Variants in MDN1 observed in about 807,000 individuals in gnomAD.
MDN1 encodes the protein midasin.
MDN1 carries 266 observed loss-of-function variants against 669.2 expected under a neutral mutation model. The observed-to-expected ratio is 0.40, with a 90% CI of 0.36 to 0.44. MDN1 has a LOEUF of 0.44. Among genes scored for constraint, MDN1 ranks in the 20% least tolerant of loss-of-function variants. The pLI is 1.00. For missense variants in MDN1, 5,940 were observed against 6,754.0 expected, an observed-to-expected ratio of 0.88 and a Z score of 4.22; for synonymous variants, 2,385 against 2,457.1, an observed-to-expected ratio of 0.97 and a Z score of 0.87.
intron 34 of MDN1, 140 bp downstream of exon 34, chr6:89,732,417 A>G: frequency 2.8e-6 from 2 of 721,892 alleles, no homozygotes; most frequent in Non-Finnish European, 4.6e-6. Context: ...GAGTACAAAC[A>G]AAAGGAAAGC....
chr6:89,788,578 G>A (rs188515237), intron 7 of MDN1, among the ~76,000 whole-genome samples: 231 of 152,290 alleles, frequency 1.5e-3, no homozygotes, highest in African/African-American at 5.3e-3. Flanking sequence ...AGGCTTAGAG[G>A]TAAGTAATAA....
chr6:89,730,890 A>C lies in MDN1; in HGVS notation c.4976T>G (p.Leu1659Trp), dbSNP rs764888257. The change falls in exon 35 of 102, where the codon TTG (leucine) becomes TGG (tryptophan). Residue 1659 changes from leucine to tryptophan, a missense_variant. Leu to Trp is a moderately conservative substitution (Grantham distance 61). Coordinates refer to ENST00000369393, the MANE Select transcript of MDN1 (RefSeq NM_014611.3). The stretch of plus-strand genomic sequence containing the variant: ...AAATTTCAGACATTCTTTTCGTGCC[A>C]AAAGGGCTGTACCAAACCCAGAGGA... ...VTSSGFGTAL[L>W]ARKECLKFLI... 9.3e-6 allele frequency: 15 copies of C among 1,613,906 alleles called. No individual in the cohort carries two copies. Among genetic ancestry groups the C allele is most frequent in the Non-Finnish European group, 1.3e-5 (15 of 1,179,948 alleles).
At position 89,654,242 on chromosome 6, in the gene MDN1, CCT is replaced by C; in HGVS notation, c.15581_15582del (p.Glu5194GlyfsTer29). 1 of 1,614,238 alleles carries C rather than the reference CCT, an allele frequency of 6.2e-7. No individual in the cohort carries two copies. The highest frequency in any genetic ancestry group is 8.5e-7 in the Non-Finnish European group (1 of 1,180,048). The stretch of plus-strand genomic sequence containing the variant: ...TCTGCTGCTTTGAACTCCTCCTGCT[CCT>C]CTGTGTCCATAAGGGTGTCCTCTAT... ...EEIEDTLMDT[E>X]EQEEFKAADV... is the part of the protein sequence containing the mutation. On this transcript the variant is annotated frameshift_variant, in exon 93 of 102. Transcript: ENST00000369393. LOFTEE classifies it high-confidence loss of function.
At position 89,680,691 on chromosome 6, in the gene MDN1, G is replaced by A. The variant is rs373502418; in HGVS notation, c.12163C>T (p.Arg4055Cys). ...APSGLEGELL[R>C]RLPKLRKRMR... ...CGTTTCCTGAGCTTTGGCAAGCGAC[G>A]CAGAAGCTCCCCTTCCAAGCCGGAA... The change falls in exon 74 of 102, where the codon CGT (arginine) becomes TGT (cysteine). Residue 4055 changes from arginine (R) to cysteine (C), a missense_variant. By Grantham distance (180) the Arg-to-Cys change is radical (BLOSUM62 -3). Transcript: ENST00000369393. 33 of 1,613,956 alleles carry A rather than the reference G, an allele frequency of 2.0e-5. No homozygotes were observed. Among genetic ancestry groups the A allele is most frequent in the East Asian group, 4.5e-5 (2 of 44,888 alleles).
At chr6:89,726,325 T>C (rs1815230638) in intron 37 of MDN1, among the ~76,000 whole-genome samples, 1 of 151,564 alleles carries the variant, frequency 6.6e-6, no homozygotes, top group South Asian at 2.1e-4. Flanking sequence ...GACATTGTGG[T>C]GCATGACTGT....
chr6:89,733,874 A>C (rs998032256), intron 33 of MDN1, among the ~76,000 whole-genome samples: 1 of 152,082 alleles, frequency 6.6e-6, no homozygotes, highest in African/African-American at 2.4e-5. Context: ...ATAGGTTCAC[A>C]TATGTATTTT....
At chr6:89,751,617 G>C (rs774559583) in intron 22 of MDN1, 35 bp from the exon 23 acceptor site, 5 of 1,595,676 alleles carry the variant, frequency 3.1e-6, no homozygotes, top group Non-Finnish European at 4.3e-6. Context: ...ATAACCCACA[G>C]TTGTACATTC....
chr6:89,665,273 T>C (rs1415006224), intron 84 of MDN1, among the ~76,000 whole-genome samples: 2 of 152,146 alleles, frequency 1.3e-5, no homozygotes, highest in Non-Finnish European at 2.9e-5. Flanking sequence ...GCAATTCTCC[T>C]GCCTCGGCCT....
intron 53 of MDN1, among the ~76,000 whole-genome samples, chr6:89,702,921 A>AGGTAGG (rs942048357): frequency 1.4e-5 from 2 of 146,084 alleles, no homozygotes; most frequent in Admixed American, 1.4e-4. Flanking sequence ...ATATAATGTG[A>AGGTAGG]GGTAGGGGTA....
Position 89,696,490 on chromosome 6 carries a change from C to G in MDN1, c.9253G>C (p.Val3085Leu), listed in dbSNP as rs1240964834. ...TSSWRASPWD[V>L]SGLPILSSSH... ...GAGGAAAGAATGGGGAGGCCACTCA[C>G]ATCCCAGGGACTTGCTCTCCAGCTG... Residue 3085 changes from valine (V) to leucine (L), a missense_variant, in exon 60 of 102, where the codon GTG becomes CTG. Physicochemically the swap from Val to Leu is conservative, Grantham distance 32 (BLOSUM62 1). Around this residue, in one of 5 missense-constraint regions of MDN1, gnomAD observed 2,292 missense variants for 2,638.3 expected, o/e 0.87. Transcript: ENST00000369393. 6.2e-7 allele frequency: 1 copy of G among 1,614,240 alleles called. No individual in the cohort carries two copies. The highest frequency in any genetic ancestry group is 2.2e-5 in the East Asian group (1 of 44,890).
At chr6:89,690,977 C>T in intron 63 of MDN1, 143 bp from the exon 64 acceptor site, 4 of 1,030,018 alleles carry the variant, frequency 3.9e-6, no homozygotes, top group East Asian at 2.6e-5. Flanking sequence ...AACTAAATTC[C>T]ATGGAATAAA....
At chr6:89,726,073 T>A (rs553618601) in intron 37 of MDN1, among the ~76,000 whole-genome samples, 1 of 152,268 alleles carries the variant, frequency 6.6e-6, no homozygotes, top group South Asian at 2.1e-4. Flanking sequence ...CCATTACATA[T>A]AACCTATATT....
chr6:89,711,511 T>G (rs2128311809), intron 49 of MDN1, among the ~76,000 whole-genome samples: 1 of 152,258 alleles, frequency 6.6e-6, no homozygotes, highest in South Asian at 2.1e-4. Flanking sequence ...TATCCCATTT[T>G]ATATAAGGGG....
In MDN1 at chr6:89,653,174, A is replaced by G. The variant is rs1809000016; in HGVS notation, c.15662-19T>C. On this transcript the variant is annotated intron_variant, in intron 93 of 101. Coordinates refer to ENST00000369393, the MANE Select transcript of MDN1 (RefSeq NM_014611.3). ...TCAAAGCCTATTTTCATTTAAGGAC[A>G]TAATTTTACTTATAATATTAGCCTG... 6.3e-7 allele frequency: 1 copy of G among 1,599,034 alleles called. No homozygotes were observed. The highest frequency in any genetic ancestry group is 8.5e-7 in the Non-Finnish European group (1 of 1,175,622).
At chr6:89,778,931 T>TAAATAAATAAAA (rs1157670433) in intron 11 of MDN1, among the ~76,000 whole-genome samples, 12 of 137,982 alleles carry the variant, frequency 8.7e-5, no homozygotes, top group Non-Finnish European at 1.5e-4. Flanking sequence ...AATAAATAAA[T>TAAATAAATAAAA]AAAAAAAAAG....
chr6:89,689,564 A>C (rs1172346856), intron 65 of MDN1, among the ~76,000 whole-genome samples: 2 of 152,214 alleles, frequency 1.3e-5, no homozygotes, highest in Non-Finnish European at 2.9e-5. Flanking sequence ...GGAAAAAAAA[A>C]CACATACACG....
chr6:89,678,729 A>G lies in MDN1; in HGVS notation c.12282T>C (p.Ser4094=), dbSNP rs751117789. ...LDQFTGEVIS[S]VSELQSLKVE... ...CCTTTAAGCTCTGCAGCTCACTCAC[A>G]GAGGAAATCACTTCACCTGTAAGGG... Residue 4094 remains serine (S), a synonymous_variant, in exon 75 of 102, where the codon TCT becomes TCC. Coordinates refer to ENST00000369393, the MANE Select transcript of MDN1 (RefSeq NM_014611.3). 6.2e-7 allele frequency: 1 copy of G among 1,612,480 alleles called. No homozygotes were observed. The highest frequency in any genetic ancestry group is 1.1e-5 in the South Asian group (1 of 90,696).
At chr6:89,792,060 G>A (rs1819298629) in intron 5 of MDN1, among the ~76,000 whole-genome samples, 2 of 151,690 alleles carry the variant, frequency 1.3e-5, no homozygotes, top group African/African-American at 4.8e-5. Context: ...AGTAGAGACG[G>A]GGTTTCACCA....
Position 89,713,140 on chromosome 6 carries a change from CATA to C in MDN1, c.7218+5_7218+7del. On this transcript the variant is annotated splice_donor_5th_base_variant and intron_variant, in intron 47 of 101. Coordinates refer to ENST00000369393, the MANE Select transcript of MDN1 (RefSeq NM_014611.3). ...AACTTAGAAACATTCTGCAATACTT[CATA>C]GTACCTTCCGGTTTGCTGGTGAATG... The C allele has an allele frequency of 6.2e-7, 1 of 1,609,368 alleles. No individual in the cohort carries two copies. Among genetic ancestry groups the C allele is most frequent in the African/African-American group, 1.3e-5 (1 of 74,652 alleles).
Sources: allele counts gnomAD v4.1 joint callset (sites outside exome capture counted in the v4.1 genomes callset), GRCh38; gene constraint gnomAD v4.1.1; regional missense constraint gnomAD v4.1.1; transcripts MANE v1.5; gene names NCBI Gene and HGNC (gene_info 2026-07-23, HGNC 2026-07-21).